The following KCNH1 variants were observed in gnomAD, a reference collection of about 807,000 sequenced individuals.
The protein encoded by KCNH1 is voltage-gated delayed rectifier potassium channel KCNH1.
KCNH1 carries 27 observed loss-of-function variants against 69.2 expected under a neutral mutation model. That is an observed-to-expected ratio of 0.39 (90% CI 0.29 to 0.54). The LOEUF (loss-of-function observed/expected upper bound fraction) is 0.54. KCNH1 is among the 20% of genes least tolerant of loss of function. KCNH1 has a pLI of 0.68. For missense variants in KCNH1, 798 were observed against 1,261.6 expected (o/e 0.63, Z 5.57); for synonymous variants, 456 against 487.7 (o/e 0.93, Z 0.86).
chr1:210,881,445 G>A (rs1231941125), intron 7 of KCNH1, among the ~76,000 whole-genome samples: 1 of 152,162 alleles, frequency 6.6e-6, no homozygotes, highest in Non-Finnish European at 1.5e-5. Flanking sequence ...AGCCACTTTG[G>A]AAGACAGTCT....
intron 6 of KCNH1, among the ~76,000 whole-genome samples, chr1:210,966,324 G>A (rs1341017532): frequency 1.3e-5 from 2 of 152,164 alleles, no homozygotes; most frequent in Non-Finnish European, 2.9e-5. Context: ...ATAGGCATGG[G>A]CAAAGACTTC....
At chr1:210,890,680 A>G (rs988347773) in intron 7 of KCNH1, among the ~76,000 whole-genome samples, 3 of 152,108 alleles carry the variant, frequency 2.0e-5, no homozygotes, top group Non-Finnish European at 4.4e-5. Context: ...TCTACAAGGA[A>G]CTTAAACAAA....
chr1:210,919,010 T>A lies in KCNH1; in HGVS notation c.1462+630A>T, dbSNP rs1013626865. ...ATTAGACTATATGCCAAGCTACAGC[T>A]ATGTTCAAATTGACATGTAGGACAT... On this transcript the variant is annotated intron_variant, in intron 7 of 10. Coordinates refer to ENST00000271751, the MANE Select transcript of KCNH1 (RefSeq NM_172362.3). This position sits in a 1 kb window ranked among gnomAD's most constrained non-coding sequence, Gnocchi z 4.2. The A allele has an allele frequency of 7.6e-6, 1 of 131,746 alleles. No individual in the cohort carries two copies. The highest frequency in any genetic ancestry group is 1.6e-5 in the Non-Finnish European group (1 of 60,768). The allele number at this position is 131,746 out of a possible 1,614,324, so 8.2% of individuals were successfully genotyped here.
intron 6 of KCNH1, among the ~76,000 whole-genome samples, chr1:210,944,654 G>A (rs1408583030): frequency 6.6e-6 from 1 of 152,206 alleles, no homozygotes; most frequent in African/African-American, 2.4e-5. Context: ...ACAAAGCTGA[G>A]ACACAAACCC....
At chr1:210,948,288 T>C (rs983462416) in intron 6 of KCNH1, among the ~76,000 whole-genome samples, 1 of 151,982 alleles carries the variant, frequency 6.6e-6, no homozygotes, top group South Asian at 2.1e-4. Context: ...AAATTAGTTA[T>C]GATGACTACT....
In KCNH1 at chr1:210,965,129, C is replaced by A. The variant is rs139267381; in HGVS notation, c.1033-45060G>T. On this transcript the variant is annotated intron_variant, in intron 6 of 10. Transcript: ENST00000271751. Reference sequence around the variant, plus strand: ...ATAACAAGAACTATTTATGACAAACCCACATTTAATATCATACTGAATGGG... The same window carrying A: ...ATAACAAGAACTATTTATGACAAACACACATTTAATATCATACTGAATGGG... Among the ~76,000 whole-genome samples the A allele has an allele frequency of 2.4e-4, 36 of 152,166 alleles. 1 individual carries two copies. In the East Asian group the frequency reaches 6.6e-3, roughly 28 times the overall value.
At chr1:211,119,592 G>A (rs1428888212) in intron 1 of KCNH1, among the ~76,000 whole-genome samples, 1 of 151,638 alleles carries the variant, frequency 6.6e-6, no homozygotes, top group African/African-American at 2.4e-5. Context: ...GAATGGAGAG[G>A]ATGGAATGAG....
At chr1:211,048,482 T>C (rs1690133207) in intron 5 of KCNH1, among the ~76,000 whole-genome samples, 1 of 152,112 alleles carries the variant, frequency 6.6e-6, no homozygotes, top group Non-Finnish European at 1.5e-5. Context: ...TGTATATACA[T>C]ATATACATAT....
intron 10 of KCNH1, among the ~76,000 whole-genome samples, chr1:210,725,466 T>C (rs1426414859): frequency 6.6e-6 from 1 of 152,144 alleles, no homozygotes; most frequent in African/African-American, 2.4e-5. Context: ...GCTTGAAACA[T>C]GGAAGGCAAT....
chr1:211,114,593 C>G (rs1364871535), intron 1 of KCNH1, among the ~76,000 whole-genome samples: 1 of 152,160 alleles, frequency 6.6e-6, no homozygotes, highest in Non-Finnish European at 1.5e-5. Flanking sequence ...GACACTATGA[C>G]AGCAACTTTG....
chr1:210,718,460 T>C (rs1682339839), intron 10 of KCNH1, among the ~76,000 whole-genome samples: 1 of 76,780 alleles, frequency 1.3e-5, no homozygotes, highest in Non-Finnish European at 2.2e-5. Context: ...AATATATACA[T>C]ATATGTATAT....
At chr1:210,992,035 G>A (rs922082337) in intron 6 of KCNH1, among the ~76,000 whole-genome samples, 8 of 152,192 alleles carry the variant, frequency 5.3e-5, no homozygotes, top group Admixed American at 2.0e-4. Flanking sequence ...GTACCTTTGT[G>A]AGGTTAGTAA....
chr1:210,866,579 A>T (rs1686115553), intron 7 of KCNH1, among the ~76,000 whole-genome samples: 1 of 152,138 alleles, frequency 6.6e-6, no homozygotes, highest in Admixed American at 6.6e-5. Flanking sequence ...CTTTACACCC[A>T]TTAAAATGGC....
chr1:211,010,913 T>C (rs992226672), intron 6 of KCNH1, among the ~76,000 whole-genome samples: 7 of 152,078 alleles, frequency 4.6e-5, no homozygotes, highest in Admixed American at 3.3e-4. Context: ...GAGAGAAGGA[T>C]GGTGAGTCAA....
intron 6 of KCNH1, among the ~76,000 whole-genome samples, chr1:210,953,882 A>G (rs1157311197): frequency 6.6e-6 from 1 of 152,126 alleles, no homozygotes; most frequent in African/African-American, 2.4e-5. Context: ...CTTTGCCTTC[A>G]TAACTTAGCA....
intron 4 of KCNH1, among the ~76,000 whole-genome samples, chr1:211,089,807 C>T (rs1049222435): frequency 6.6e-6 from 1 of 152,138 alleles, no homozygotes; most frequent in Non-Finnish European, 1.5e-5. Context: ...GAGCTATGAA[C>T]GAGGGATGTG....
intron 7 of KCNH1, among the ~76,000 whole-genome samples, chr1:210,888,929 C>G (rs1044797035): frequency 1.3e-5 from 2 of 151,894 alleles, no homozygotes; most frequent in African/African-American, 4.8e-5. Context: ...ACAACCAAAA[C>G]AAAACCCAGG....
chr1:210,778,064 G>A (rs1225182781), intron 9 of KCNH1, among the ~76,000 whole-genome samples: 1 of 152,198 alleles, frequency 6.6e-6, no homozygotes, highest in Non-Finnish European at 1.5e-5. Context: ...GCCCAGCTGA[G>A]CTCTCAGCTG....
chr1:210,803,344 C>T (rs773849579), intron 8 of KCNH1, among the ~76,000 whole-genome samples: 14 of 152,118 alleles, frequency 9.2e-5, no homozygotes, highest in Non-Finnish European at 1.9e-4. Context: ...TCAAGTGATC[C>T]ACCCGCCTCG....
Sources: allele counts gnomAD v4.1 joint callset (sites outside exome capture counted in the v4.1 genomes callset), GRCh38; gene constraint gnomAD v4.1.1; non-coding constraint Gnocchi (gnomAD v3.1); transcripts MANE v1.5; gene names NCBI Gene and HGNC (gene_info 2026-07-23, HGNC 2026-07-21).